SHROOM2: variants seen among roughly 807,000 people sequenced by gnomAD.
SHROOM2 encodes the protein protein Shroom2.
In SHROOM2, 33 loss-of-function variants were observed where a neutral mutation model predicts 75.9. The ratio of observed to expected loss-of-function variants is 0.43; its 90% confidence interval spans 0.33 to 0.58. The LOEUF is 0.58. Among genes scored for constraint, SHROOM2 ranks in the 20% least tolerant of loss-of-function variants. The probability of loss-of-function intolerance (pLI) is 0.04; values close to 1 mark genes in which losing one functional copy is unlikely to be tolerated. For missense variants in SHROOM2, 1,434 were observed against 1,461.2 expected (o/e 0.98, Z 0.30); for synonymous variants, 655 against 663.6 (o/e 0.99, Z 0.20).
At chrX:9,836,866 G>C (rs1316762406) in intron 1 of SHROOM2, among the ~76,000 whole-genome samples, 1 of 111,722 alleles carries the variant, frequency 9.0e-6, no homozygotes, top group Non-Finnish European at 1.9e-5. Context: ...ATTCCTTTAA[G>C]CCATCCCTTC....
intron 1 of SHROOM2, among the ~76,000 whole-genome samples, chrX:9,789,319 G>A (rs937960334): frequency 1.5e-4 from 17 of 111,289 alleles, no homozygotes; most frequent in African/African-American, 4.9e-4. Flanking sequence ...AATTTGGGGT[G>A]CATGCATGAA....
rs766274874 is a variant in SHROOM2 at position 9,808,380 on chromosome X, CA to C, written c.165+21687del. On this transcript the variant is annotated intron_variant, in intron 1 of 9. Coordinates refer to ENST00000380913, the MANE Select transcript of SHROOM2 (RefSeq NM_001649.4). The stretch of plus-strand genomic sequence containing the variant: ...GCAATATAGTGAGACTCTGTCTCTA[CA>C]AAAAAAAAAAAAAAAATTAGCCAGG... Among the ~76,000 whole-genome samples, 519 of 72,439 alleles carry C rather than the reference CA, an allele frequency of 7.2e-3. 3 individuals are homozygous for C. The highest frequency in any genetic ancestry group is 0.024 in the African/African-American group (409 of 17,300). 62.9% of individuals were successfully genotyped at this position (72,439 alleles called of 115,157 possible).
At chrX:9,870,643 T>C (rs546929920) in intron 1 of SHROOM2, among the ~76,000 whole-genome samples, 95 of 112,525 alleles carry the variant, frequency 8.4e-4, no homozygotes, top group Non-Finnish European at 1.5e-3. Context: ...AAACATCTAC[T>C]ATCAGAATGT....
chrX:9,865,849 C>T (rs2084134399), intron 1 of SHROOM2, among the ~76,000 whole-genome samples: 1 of 110,098 alleles, frequency 9.1e-6, no homozygotes, highest in African/African-American at 3.3e-5. Flanking sequence ...CGTGAGCCAC[C>T]GCGCCTGGCC....
At chrX:9,878,434 G>A (rs1435723877) in intron 2 of SHROOM2, among the ~76,000 whole-genome samples, 1 of 112,233 alleles carries the variant, frequency 8.9e-6, no homozygotes, top group African/African-American at 3.2e-5. Context: ...GAGACCATGT[G>A]GTGTGGTCCT....
At chrX:9,863,885 A>G (rs1268122755) in intron 1 of SHROOM2, among the ~76,000 whole-genome samples, 1 of 111,611 alleles carries the variant, frequency 9.0e-6, no homozygotes, top group African/African-American at 3.3e-5. Flanking sequence ...AGCTGTTTCA[A>G]TGTGTATCCT....
At chrX:9,880,646 G>C (rs1158796740) in intron 2 of SHROOM2, among the ~76,000 whole-genome samples, 5 of 112,678 alleles carry the variant, frequency 4.4e-5, no homozygotes, top group Non-Finnish European at 7.5e-5. Context: ...TTTGGGGGAA[G>C]AAATGAAGTA....
chrX:9,831,956 G>A (rs1292995171), intron 1 of SHROOM2, among the ~76,000 whole-genome samples: 2 of 111,306 alleles, frequency 1.8e-5, no homozygotes, highest in Non-Finnish European at 3.8e-5. Flanking sequence ...GGATTTTGTG[G>A]GTGGGGGAAC....
chrX:9,848,895 C>G, intron 1 of SHROOM2, among the ~76,000 whole-genome samples: 1 of 111,275 alleles, frequency 9.0e-6, no homozygotes, highest in Non-Finnish European at 1.9e-5. Flanking sequence ...TCCTGGGATG[C>G]CTGGATTCCC....
At chrX:9,903,841 G>C (rs185703416) in intron 5 of SHROOM2, among the ~76,000 whole-genome samples, 4 of 111,089 alleles carry the variant, frequency 3.6e-5, no homozygotes, top group African/African-American at 1.3e-4. Flanking sequence ...CACCACACCT[G>C]GCCTTGTTTT....
chrX:9,871,519 T>A (rs937489812), intron 1 of SHROOM2, among the ~76,000 whole-genome samples: 16 of 112,015 alleles, frequency 1.4e-4, no homozygotes, highest in African/African-American at 5.2e-4. Context: ...GTGTGCAACC[T>A]TAGTGGGTGG....
At chrX:9,853,592 G>T (rs1351821448) in intron 1 of SHROOM2, among the ~76,000 whole-genome samples, 1 of 111,189 alleles carries the variant, frequency 9.0e-6, no homozygotes, top group Non-Finnish European at 1.9e-5. Context: ...TCTCCACATA[G>T]TTCTCCCCTG....
chrX:9,855,722 T>G (rs1422284344), intron 1 of SHROOM2, among the ~76,000 whole-genome samples: 3 of 112,005 alleles, frequency 2.7e-5, no homozygotes, highest in Non-Finnish European at 5.6e-5. Context: ...GAACCCATCC[T>G]TGACTTGTAC....
intron 1 of SHROOM2, among the ~76,000 whole-genome samples, chrX:9,841,297 G>C (rs1185297487): frequency 1.8e-5 from 2 of 111,604 alleles, no homozygotes; most frequent in African/African-American, 6.5e-5. Flanking sequence ...ATCTTCCATG[G>C]CAGTAAATAT....
At chrX:9,915,004 T>C (rs1045187678) in intron 5 of SHROOM2, among the ~76,000 whole-genome samples, 1 of 112,336 alleles carries the variant, frequency 8.9e-6, no homozygotes, top group East Asian at 2.8e-4. Context: ...CAGAAACCCG[T>C]TAATCAGGCA....
At chrX:9,857,583 C>T (rs2084078815) in intron 1 of SHROOM2, among the ~76,000 whole-genome samples, 2 of 109,713 alleles carry the variant, frequency 1.8e-5, no homozygotes, top group Non-Finnish European at 3.8e-5. Flanking sequence ...GAGATAGGGC[C>T]TCACCATGTT....
chrX:9,936,540 G>A (rs926304593), intron 6 of SHROOM2, among the ~76,000 whole-genome samples: 10 of 112,122 alleles, frequency 8.9e-5, no homozygotes, highest in Admixed American at 7.5e-4. Flanking sequence ...GAAGCACAGC[G>A]GGCGGGGGGT....
At chrX:9,818,951 G>A in intron 1 of SHROOM2, 1 of 584,577 alleles carries the variant, frequency 1.7e-6, no homozygotes, top group South Asian at 2.3e-5. Context: ...TGTGGAGGAG[G>A]GCTAATTTCT....
chrX:9,813,551 G>T (rs1162926022), intron 1 of SHROOM2, among the ~76,000 whole-genome samples: 1 of 111,534 alleles, frequency 9.0e-6, no homozygotes, highest in Non-Finnish European at 1.9e-5. Flanking sequence ...CACATAAATT[G>T]TTCGTAATGT....
Sources: allele counts gnomAD v4.1 joint callset (sites outside exome capture counted in the v4.1 genomes callset), GRCh38; gene constraint gnomAD v4.1.1; transcripts MANE v1.5; gene names NCBI Gene and HGNC (gene_info 2026-07-23, HGNC 2026-07-21).